Variants in CACYBP observed in about 807,000 individuals in gnomAD.
The protein encoded by CACYBP is calcyclin binding protein.
CACYBP carries 11 observed loss-of-function variants against 29.6 expected under a neutral mutation model. The ratio of observed to expected loss-of-function variants is 0.37; its 90% CI spans 0.23 to 0.61. CACYBP has a LOEUF of 0.61. Ranked by LOEUF, CACYBP falls within the 20% of genes least tolerant of loss-of-function variation. The pLI, the probability that CACYBP is intolerant of heterozygous loss-of-function variation, is 0.65. For missense variants in CACYBP, 163 were observed against 260.7 expected (o/e 0.63, Z 2.58); for synonymous variants, 73 against 88.3 (o/e 0.83, Z 0.97).
chr1:175,003,355 G>C (rs1276934708), intron 1 of CACYBP, among the ~76,000 whole-genome samples: 2 of 152,162 alleles, frequency 1.3e-5, no homozygotes, highest in African/African-American at 2.4e-5. Flanking sequence ...CTAACCTCAA[G>C]TGATCCACCC....
intron 4 of CACYBP, 109 bp downstream of exon 4, chr1:175,007,306 A>C (rs951727698): frequency 3.5e-5 from 23 of 664,822 alleles, no homozygotes; most frequent in African/African-American, 5.5e-5. Flanking sequence ...AACAGGGACC[A>C]CCGCCTGTTT....
intron 1 of CACYBP, 36 bp downstream of exon 1, chr1:175,000,231 G>A (rs1444319519): frequency 1.3e-6 from 2 of 1,585,674 alleles, no homozygotes; most frequent in Non-Finnish European, 1.7e-6. Flanking sequence ...TATGCCCCCC[G>A]GCTGGAGCTG....
intron 1 of CACYBP, among the ~76,000 whole-genome samples, chr1:175,002,250 T>G (rs1192895896): frequency 6.6e-6 from 1 of 152,226 alleles, no homozygotes; most frequent in East Asian, 1.9e-4. Flanking sequence ...CTTCTGAAAG[T>G]TTCTCCACAT....
chr1:175,007,460 C>T (rs978319849), intron 4 of CACYBP, among the ~76,000 whole-genome samples: 12 of 152,078 alleles, frequency 7.9e-5, no homozygotes, highest in African/African-American at 2.9e-4. Context: ...ATGCGGCCCT[C>T]GACAGAGAAC....
chr1:175,009,371 T>A (rs1672690873), intron 5 of CACYBP, among the ~76,000 whole-genome samples: 1 of 152,020 alleles, frequency 6.6e-6, no homozygotes, highest in East Asian at 1.9e-4. Flanking sequence ...GGAGGCCAGG[T>A]GGGGTGGCTC....
chr1:175,003,243 C>T lies in CACYBP; in HGVS notation c.16-1371C>T, dbSNP rs142270455. The stretch of plus-strand genomic sequence containing the variant: ...AAGCGATTCTTCTGCCTCAGCTTCC[C>T]GAGTAGCTGGGATTACAGGCACGTG... On this transcript the variant is annotated intron_variant, in intron 1 of 5. Transcript: ENST00000367679. 6.8e-4 allele frequency among the ~76,000 whole-genome samples: 104 copies of T among 152,018 alleles called. 1 individual carries two copies. Among genetic ancestry groups the T allele is most frequent in the African/African-American group, 2.3e-3 (96 of 41,464 alleles).
In CACYBP at chr1:174,999,969, T is replaced by G; in HGVS notation, c.-212T>G. The G allele has an allele frequency of 1.5e-6, 1 of 646,004 alleles. No individual in the cohort carries two copies. 40.0% of individuals were successfully genotyped at this position (646,004 alleles called of 1,614,324 possible). A position where few individuals can be genotyped will look rare whatever the true frequency, so the allele number is the denominator to read the frequency against. ...CTTGGCGGGCTGTGCGTGCTCGCGGTGGGCGGTGGCGGCGGCTGCCTCGCG... is the reference window on the plus strand; with the variant it reads ...CTTGGCGGGCTGTGCGTGCTCGCGGGGGGCGGTGGCGGCGGCTGCCTCGCG... On this transcript the variant is annotated 5_prime_UTR_variant, in exon 1 of 6. Transcript: ENST00000367679.
chr1:175,009,352 A>G (rs1399007912), intron 5 of CACYBP, among the ~76,000 whole-genome samples: 2 of 152,202 alleles, frequency 1.3e-5, no homozygotes, highest in African/African-American at 2.4e-5. Flanking sequence ...TTACCTGTCA[A>G]AAATCACAGG....
chr1:175,001,024 G>A (rs951872666), intron 1 of CACYBP, among the ~76,000 whole-genome samples: 2 of 152,162 alleles, frequency 1.3e-5, no homozygotes, highest in Admixed American at 1.3e-4. Context: ...AACTAGATTT[G>A]CTTTATGAAA....
At position 175,000,029 on chromosome 1, in the gene CACYBP, C is replaced by T. The variant is rs931787746; in HGVS notation, c.-152C>T. The T allele has an allele frequency of 2.6e-5, 29 of 1,123,782 alleles. No individual in the cohort carries two copies. In the South Asian group the frequency reaches 3.4e-4, roughly 13 times the overall value. The allele number at this position is 1,123,782 out of a possible 1,614,324, so 69.6% of individuals were successfully genotyped here. Reference sequence around the variant, plus strand: ...GATCCGTCGCGTGCGGGAGGCGGGCCGCGATCTTGCGCAGGGTCGGTGTGG... The same window carrying T: ...GATCCGTCGCGTGCGGGAGGCGGGCTGCGATCTTGCGCAGGGTCGGTGTGG... On this transcript the variant is annotated 5_prime_UTR_variant, in exon 1 of 6. Transcript: ENST00000367679.
rs1672751329 is a variant in CACYBP at position 175,011,342 on chromosome 1, G to C, written c.*1263G>C. 1 of 152,096 alleles carries C rather than the reference G, an allele frequency of 6.6e-6. No individual in the cohort carries two copies. Among genetic ancestry groups the C allele is most frequent in the Non-Finnish European group, 1.5e-5 (1 of 68,012 alleles). The allele number at this position is 152,096 out of a possible 1,614,324, so 9.4% of individuals were successfully genotyped here. ...ATGCATATGAAAGTTACAGAATATG[G>C]TAAAAGTGGGGTAAAGATGGGTTTT... is the stretch of plus-strand genomic sequence containing the variant. On this transcript the variant is annotated 3_prime_UTR_variant, in exon 6 of 6. Transcript: ENST00000367679.
intron 1 of CACYBP, among the ~76,000 whole-genome samples, chr1:175,001,859 A>G (rs1032017098): frequency 3.9e-5 from 6 of 152,150 alleles, no homozygotes; most frequent in African/African-American, 1.4e-4. Context: ...CTCCTGCCTT[A>G]GCCTCCTGAG....
intron 5 of CACYBP, among the ~76,000 whole-genome samples, chr1:175,009,564 T>C (rs1381359422): frequency 2.0e-5 from 3 of 150,832 alleles, no homozygotes; most frequent in African/African-American, 7.3e-5. Context: ...ACAGAATTGT[T>C]TGAACCTGGG....
intron 2 of CACYBP, among the ~76,000 whole-genome samples, chr1:175,006,354 T>G (rs944413149): frequency 3.9e-5 from 6 of 152,246 alleles, no homozygotes; most frequent in African/African-American, 1.2e-4. Context: ...GTATTGATAC[T>G]TAGCCATCCA....
intron 5 of CACYBP, 126 bp from the exon 6 acceptor site, chr1:175,009,797 G>C: frequency 3.0e-6 from 2 of 656,606 alleles, no homozygotes; most frequent in Non-Finnish European, 2.6e-6. Context: ...CGTTTTGATT[G>C]TAAATATCTT....
rs763919654 is a variant in CACYBP at position 175,004,616 on chromosome 1, A to C, written c.18A>C (p.Leu6=). 1.3e-6 allele frequency: 2 copies of C among 1,580,646 alleles called. No individual in the cohort carries two copies. The highest frequency in any genetic ancestry group is 2.7e-5 in the African/African-American group (2 of 73,210). The change falls in exon 2 of 6, where the codon CTA becomes CTC. Residue 6 remains leucine, a splice_region_variant and synonymous_variant. Coordinates refer to ENST00000367679, the MANE Select transcript of CACYBP (RefSeq NM_014412.3). MASEE[L]QKDLEEVKVL... Reference sequence around the variant, plus strand: ...ACTTATTTTTTGTCTTAACACAGCTACAGAAAGATCTAGAAGAGGTAAAGG... The same window carrying C: ...ACTTATTTTTTGTCTTAACACAGCTCCAGAAAGATCTAGAAGAGGTAAAGG...
intron 2 of CACYBP, among the ~76,000 whole-genome samples, chr1:175,005,583 G>A (rs755085194): frequency 1.3e-5 from 2 of 152,186 alleles, no homozygotes; most frequent in African/African-American, 2.4e-5. Context: ...AACAGCATGA[G>A]CAGAGAATGT....
chr1:175,007,810 A>G (rs1041056671), intron 4 of CACYBP, among the ~76,000 whole-genome samples: 3 of 152,232 alleles, frequency 2.0e-5, no homozygotes, highest in African/African-American at 7.2e-5. Context: ...AAGCAGCTAT[A>G]AAAATAAGGA....
intron 2 of CACYBP, among the ~76,000 whole-genome samples, chr1:175,005,728 G>A (rs1435885366): frequency 6.6e-6 from 1 of 152,168 alleles, no homozygotes; most frequent in Non-Finnish European, 1.5e-5. Context: ...ATAGGAAACT[G>A]GTCTGAAGGT....
Sources: gnomAD v4.1 joint callset for allele counts (sites outside exome capture counted in the v4.1 genomes callset) on GRCh38, gnomAD v4.1.1 for gene constraint, MANE v1.5 for transcripts, NCBI Gene and HGNC (gene_info 2026-07-23, HGNC 2026-07-21) for gene names.